ZC2HC1B: variants seen among roughly 807,000 people sequenced by gnomAD.
ZC2HC1B encodes the protein zinc finger C2HC domain-containing protein 1B.
In ZC2HC1B, 36 loss-of-function variants were observed where a neutral mutation model predicts 31.0. The ratio of observed to expected loss-of-function variants is 1.16; its 90% CI spans 0.89 to 1.54. ZC2HC1B has a LOEUF of 1.54. Among genes scored for constraint, ZC2HC1B ranks in the 40% most tolerant of loss-of-function variants. The pLI is 0.00. For synonymous variants in ZC2HC1B, 73 were observed against 88.0 expected (o/e 0.83, Z 0.95); for missense variants, 260 against 268.6 (o/e 0.97, Z 0.22).
rs756013457 is a variant in ZC2HC1B, at chr6:143,923,825, A to C, written c.599-13824A>C. Among the ~76,000 whole-genome samples, 1 of 152,006 alleles carries C rather than the reference A, an allele frequency of 6.6e-6. No homozygotes were observed. The highest frequency in any genetic ancestry group is 1.5e-5 in the Non-Finnish European group (1 of 67,942). ...GGTTTATGTGTCTGTTTTTATACCA[A>C]TATCTTGCTGTTTTAGTTACTACAG... On this transcript the variant is annotated intron_variant, in intron 6 of 7. Coordinates refer to ENST00000237275, the MANE Select transcript of ZC2HC1B (RefSeq NM_001013623.3). The surrounding 1 kb of genome is among the most constrained non-coding windows in gnomAD (Gnocchi z 4.8).
chr6:143,914,062 T>C (rs1176198508), intron 6 of ZC2HC1B, among the ~76,000 whole-genome samples: 1 of 152,246 alleles, frequency 6.6e-6, no homozygotes, highest in Non-Finnish European at 1.5e-5. Context: ...GATTTTTCTC[T>C]ATTTTTCTAT....
rs1233760088 is a variant in ZC2HC1B at position 143,922,939 on chromosome 6, G to T, written c.599-14710G>T. 6.6e-6 allele frequency among the ~76,000 whole-genome samples: 1 copy of T among 152,034 alleles called. No homozygotes were observed. The highest frequency in any genetic ancestry group is 1.5e-5 in the Non-Finnish European group (1 of 67,970). ...TTGAGGAAACTTCATTCTGTCTTCT[G>T]CAAGGGCTGTACTAATTTACTTTCC... On this transcript the variant is annotated intron_variant, in intron 6 of 7. Transcript: ENST00000237275. The surrounding 1 kb of genome is among the most constrained non-coding windows in gnomAD (Gnocchi z 5.0).
At chr6:143,873,646 A>G (rs1407937753) in intron 1 of ZC2HC1B, among the ~76,000 whole-genome samples, 2 of 152,232 alleles carry the variant, frequency 1.3e-5, no homozygotes, top group African/African-American at 2.4e-5. Flanking sequence ...CGCAAGCTCA[A>G]CACCATATGG....
chr6:143,877,272 CTTTTTTTTTT>C (rs34994479), intron 1 of ZC2HC1B, among the ~76,000 whole-genome samples: 2 of 42,578 alleles, frequency 4.7e-5, no homozygotes, highest in African/African-American at 1.2e-4. Flanking sequence ...TTTTTAATTT[CTTTTTTTTTT>C]TTTTTTTTTT....
intron 6 of ZC2HC1B, among the ~76,000 whole-genome samples, chr6:143,937,242 T>C (rs1174417048): frequency 1.3e-5 from 2 of 152,172 alleles, no homozygotes; most frequent in Admixed American, 1.3e-4. Context: ...AGGCAGCTTA[T>C]GCTTCCGTAA....
rs553386617 is a variant in ZC2HC1B at position 143,911,337 on chromosome 6, T to G, written c.598+8185T>G. On this transcript the variant is annotated intron_variant, in intron 6 of 7. Transcript: ENST00000237275. The surrounding 1 kb of genome is among the most constrained non-coding windows in gnomAD (Gnocchi z 4.5). Reference sequence around the variant, plus strand: ...CTGTCATCATGATGCTAGTTAGTTATTTTGTAGACTTCTTTCTGTGTTTGC... The same window carrying G: ...CTGTCATCATGATGCTAGTTAGTTAGTTTGTAGACTTCTTTCTGTGTTTGC... Among the ~76,000 whole-genome samples the G allele has an allele frequency of 3.3e-5, 5 of 152,326 alleles. No homozygotes were observed. The highest frequency in any genetic ancestry group is 2.6e-4 in the Admixed American group (4 of 15,298).
chr6:143,926,997 A>G (rs1419552296), intron 6 of ZC2HC1B, among the ~76,000 whole-genome samples: 1 of 137,542 alleles, frequency 7.3e-6, no homozygotes, highest in Non-Finnish European at 1.6e-5. Flanking sequence ...ACGGGGTTTC[A>G]CCTTGTTAGC....
intron 1 of ZC2HC1B, among the ~76,000 whole-genome samples, chr6:143,878,023 A>G (rs1268602242): frequency 6.6e-6 from 1 of 150,814 alleles, no homozygotes; most frequent in African/African-American, 2.4e-5. Context: ...ACATGCATAC[A>G]TATATAGCTG....
In ZC2HC1B at chr6:143,880,016, A is replaced by G. The variant is rs192038063; in HGVS notation, c.29-4288A>G. Among the ~76,000 whole-genome samples the G allele has an allele frequency of 2.3e-3, 348 of 151,692 alleles. 2 individuals carry two copies. Among genetic ancestry groups the G allele is most frequent in the African/African-American group, 8.0e-3 (332 of 41,378 alleles). On this transcript the variant is annotated intron_variant, in intron 1 of 7. Transcript: ENST00000237275. ...ATTTTTAAAATTTTTTGTAGAGATG[A>G]GAGTCTCACTGTGTTTCCCAGGCTG...
intron 4 of ZC2HC1B, among the ~76,000 whole-genome samples, chr6:143,893,613 T>C (rs895781407): frequency 6.6e-6 from 1 of 152,132 alleles, no homozygotes; most frequent in Non-Finnish European, 1.5e-5. Context: ...TGCTATGATG[T>C]GGACCAACTG....
chr6:143,908,150 C>T lies in ZC2HC1B; in HGVS notation c.598+4998C>T, dbSNP rs1053486033. 6.6e-6 allele frequency among the ~76,000 whole-genome samples: 1 copy of T among 152,044 alleles called. No homozygotes were observed. Among genetic ancestry groups the T allele is most frequent in the Non-Finnish European group, 1.5e-5 (1 of 67,996 alleles). ...CCATTGGTCTCTGAGTCTTTTTGTA[C>T]TAGTGTAATGCTGTTTTGGTTACTG... On this transcript the variant is annotated intron_variant, in intron 6 of 7. Transcript: ENST00000237275. The surrounding 1 kb of genome is among the most constrained non-coding windows in gnomAD (Gnocchi z 4.4).
At position 143,884,490 on chromosome 6, in the gene ZC2HC1B, A is replaced by G; in HGVS notation, c.90+125A>G. On this transcript the variant is annotated intron_variant, in intron 2 of 7. Transcript: ENST00000237275. The surrounding 1 kb of genome is among the most constrained non-coding windows in gnomAD (Gnocchi z 5.1). ...GGGGAAGCAAGGGAAGAGGAAAAGT[A>G]CATAACCTATGGCTGGTGGGCCCAG... 1.1e-6 allele frequency: 1 copy of G among 872,738 alleles called. No individual in the cohort carries two copies. Among genetic ancestry groups the G allele is most frequent in the South Asian group, 2.0e-5 (1 of 49,178 alleles). 54.1% of individuals were successfully genotyped at this position (872,738 alleles called of 1,614,324 possible). A position where few individuals can be genotyped will look rare whatever the true frequency, so the allele number is the denominator to read the frequency against.
chr6:143,937,975 C>T (rs1345686757), intron 7 of ZC2HC1B, among the ~76,000 whole-genome samples, 167 bp from the exon 8 acceptor site: 1 of 152,238 alleles, frequency 6.6e-6, no homozygotes, highest in Non-Finnish European at 1.5e-5. Context: ...TGAAAGGTTA[C>T]TGCCTTTTCC....
In ZC2HC1B at chr6:143,921,800, C is replaced by T. The variant is rs902036798; in HGVS notation, c.599-15849C>T. On this transcript the variant is annotated intron_variant, in intron 6 of 7. Coordinates refer to ENST00000237275, the MANE Select transcript of ZC2HC1B (RefSeq NM_001013623.3). This position sits in a 1 kb window ranked among gnomAD's most constrained non-coding sequence, Gnocchi z 6.1. ...TTTAAAAATTTGCTACATGTGGTGGCACCCACTTGTAGCTCTTGCTACCCA... is the reference window on the plus strand; with the variant it reads ...TTTAAAAATTTGCTACATGTGGTGGTACCCACTTGTAGCTCTTGCTACCCA... Among the ~76,000 whole-genome samples, 2 of 152,116 alleles carry T rather than the reference C, an allele frequency of 1.3e-5. No homozygotes were observed. The highest frequency in any genetic ancestry group is 4.8e-5 in the African/African-American group (2 of 41,434).
chr6:143,882,616 A>C (rs1180471152), intron 1 of ZC2HC1B, among the ~76,000 whole-genome samples: 1 of 151,368 alleles, frequency 6.6e-6, no homozygotes, highest in Non-Finnish European at 1.5e-5. Flanking sequence ...CTGGCTTATC[A>C]TCATCATTTT....
chr6:143,927,603 A>G (rs1778068399), intron 6 of ZC2HC1B, among the ~76,000 whole-genome samples: 1 of 152,226 alleles, frequency 6.6e-6, no homozygotes, highest in African/African-American at 2.4e-5. Context: ...TGTGATAAAC[A>G]TGAGTGCATG....
Position 143,884,378 on chromosome 6 carries a change from A to C in ZC2HC1B, c.90+13A>C. On this transcript the variant is annotated intron_variant, in intron 2 of 7. Transcript: ENST00000237275. This position sits in a 1 kb window ranked among gnomAD's most constrained non-coding sequence, Gnocchi z 5.1. ...AGCAGATGTTCTGGTAAACATAAAG[A>C]CATTTTGTAGATGTGTTTCATTGGA... 6.5e-7 allele frequency: 1 copy of C among 1,531,786 alleles called. No individual in the cohort carries two copies. Among genetic ancestry groups the C allele is most frequent in the Non-Finnish European group, 8.8e-7 (1 of 1,131,962 alleles). 94.9% of individuals were successfully genotyped at this position (1,531,786 alleles called of 1,614,324 possible). A position where few individuals can be genotyped will look rare whatever the true frequency, so the allele number is the denominator to read the frequency against.
At chr6:143,912,114 C>A (rs1777867807) in intron 6 of ZC2HC1B, among the ~76,000 whole-genome samples, 1 of 152,184 alleles carries the variant, frequency 6.6e-6, no homozygotes, top group African/African-American at 2.4e-5. Flanking sequence ...TCAGCTCTAA[C>A]AGATTAGTTA....
intron 6 of ZC2HC1B, among the ~76,000 whole-genome samples, chr6:143,936,327 A>G (rs1393620257): frequency 6.6e-6 from 1 of 152,182 alleles, no homozygotes; most frequent in Non-Finnish European, 1.5e-5. Context: ...TCATATCTCT[A>G]TTTTACAGAT....
Sources: allele counts gnomAD v4.1 joint callset (sites outside exome capture counted in the v4.1 genomes callset), GRCh38; gene constraint gnomAD v4.1.1; non-coding constraint Gnocchi (gnomAD v3.1); transcripts MANE v1.5; gene names NCBI Gene and HGNC (gene_info 2026-07-23, HGNC 2026-07-21).